KANSL1L: variants seen among roughly 807,000 people sequenced by gnomAD.
KANSL1L encodes KAT8 regulatory NSL complex subunit 1-like protein.
KANSL1L carries 25 observed loss-of-function variants against 108.6 expected under a neutral mutation model. The ratio of observed to expected loss-of-function variants is 0.23; its 90% CI spans 0.17 to 0.32. The LOEUF (loss-of-function observed/expected upper bound fraction) is 0.32. KANSL1L is among the 10% of genes least tolerant of loss of function. KANSL1L has a pLI of 1.00. For synonymous variants in KANSL1L, 405 were observed against 395.1 expected, an observed-to-expected ratio of 1.03 and a Z score of -0.30; for missense variants, 1,137 against 1,125.7, an observed-to-expected ratio of 1.01 and a Z score of -0.14.
chr2:210,162,045 T>G (rs1435091673), intron 1 of KANSL1L, among the ~76,000 whole-genome samples: 1 of 149,218 alleles, frequency 6.7e-6, no homozygotes, highest in East Asian at 2.0e-4. Flanking sequence ...CGTAATATGG[T>G]GAGACCCTGT....
At position 210,022,258 on chromosome 2, in the gene KANSL1L, G is replaced by A. The variant is rs1181712406; in HGVS notation, c.*691C>T. The A allele has an allele frequency of 6.6e-6, 1 of 151,908 alleles. No individual in the cohort carries two copies. Among genetic ancestry groups the A allele is most frequent in the African/African-American group, 2.4e-5 (1 of 41,336 alleles). The allele number at this position is 151,908 out of a possible 1,614,324, so 9.4% of individuals were successfully genotyped here. A position where few individuals can be genotyped will look rare whatever the true frequency, so the allele number is the denominator to read the frequency against. On this transcript the variant is annotated 3_prime_UTR_variant, in exon 15 of 15. Coordinates refer to ENST00000281772, the MANE Select transcript of KANSL1L (RefSeq NM_152519.4). Reference sequence around the variant, plus strand: ...TGAATAAAGGAGTTTTGTGTTGCCTGGATATATGAATTTCTGTAAATAACT... The same window carrying A: ...TGAATAAAGGAGTTTTGTGTTGCCTAGATATATGAATTTCTGTAAATAACT...
At chr2:210,086,472 C>T (rs189440612) in intron 5 of KANSL1L, among the ~76,000 whole-genome samples, 55 of 147,956 alleles carry the variant, frequency 3.7e-4, no homozygotes, top group Admixed American at 2.9e-3. Context: ...TGAGACCATA[C>T]TGCCAAGATT....
chr2:210,052,752 C>T (rs2094307194), intron 6 of KANSL1L, among the ~76,000 whole-genome samples: 1 of 152,154 alleles, frequency 6.6e-6, no homozygotes, highest in Admixed American at 6.5e-5. Flanking sequence ...CACAGTATCT[C>T]CAATGCCTAG....
intron 1 of KANSL1L, among the ~76,000 whole-genome samples, chr2:210,165,932 T>C (rs1352256654): frequency 1.3e-5 from 2 of 152,298 alleles, no homozygotes; most frequent in African/African-American, 2.4e-5. Flanking sequence ...CTTTTATGTA[T>C]AGTTATAACT....
At chr2:210,158,991 G>A (rs1201695991) in intron 1 of KANSL1L, among the ~76,000 whole-genome samples, 4 of 152,084 alleles carry the variant, frequency 2.6e-5, no homozygotes. Context: ...TTAAAGGCTT[G>A]GATTTTTGAA....
chr2:210,142,432 C>CA (rs892359548), intron 2 of KANSL1L, among the ~76,000 whole-genome samples: 3 of 151,558 alleles, frequency 2.0e-5, no homozygotes, highest in African/African-American at 7.3e-5. Flanking sequence ...CTTATCTTTT[C>CA]AAAAAAACCA....
At chr2:210,162,131 A>T (rs2095364643) in intron 1 of KANSL1L, among the ~76,000 whole-genome samples, 1 of 147,278 alleles carries the variant, frequency 6.8e-6, no homozygotes, top group Non-Finnish European at 1.5e-5. Context: ...AATTGGACGT[A>T]TCCAGCTGAT....
chr2:210,135,389 C>T (rs998860758), intron 2 of KANSL1L, among the ~76,000 whole-genome samples: 3 of 152,134 alleles, frequency 2.0e-5, no homozygotes, highest in African/African-American at 7.2e-5. Context: ...AATATCCATC[C>T]TCCTATACTT....
chr2:210,058,697 C>T lies in KANSL1L; in HGVS notation c.1756-14593G>A, dbSNP rs1051219227. On this transcript the variant is annotated intron_variant, in intron 6 of 14. Transcript: ENST00000281772. ...AAATATTTTTAAAAAATTAGCCGGG[C>T]GTGGTGGCGGGCGCCTGTAGTCCCA... is the stretch of plus-strand genomic sequence containing the variant. 2.1e-4 allele frequency among the ~76,000 whole-genome samples: 32 copies of T among 152,056 alleles called. 1 individual carries two copies. The highest frequency in any genetic ancestry group is 7.0e-4 in the African/African-American group (29 of 41,472).
At chr2:210,159,876 A>G (rs550135479) in intron 1 of KANSL1L, among the ~76,000 whole-genome samples, 1 of 152,290 alleles carries the variant, frequency 6.6e-6, no homozygotes, top group South Asian at 2.1e-4. Flanking sequence ...TCTACTAAAA[A>G]TACAAAAAAA....
intron 2 of KANSL1L, among the ~76,000 whole-genome samples, chr2:210,148,156 C>CATTTTCCCCACACA (rs1362640592): frequency 1.3e-5 from 2 of 152,046 alleles, no homozygotes; most frequent in South Asian, 2.1e-4. Context: ...TTTTCCCCAA[C>CATTTTCCCCACACA]ATTTGAAACA....
At chr2:210,046,348 C>T (rs1437055511) in intron 6 of KANSL1L, among the ~76,000 whole-genome samples, 1 of 152,032 alleles carries the variant, frequency 6.6e-6, no homozygotes, top group African/African-American at 2.4e-5. Context: ...CTAAAAAATT[C>T]CAAAGTCCAA....
chr2:210,151,110 G>A (rs1382870283), intron 2 of KANSL1L, among the ~76,000 whole-genome samples: 1 of 152,020 alleles, frequency 6.6e-6, no homozygotes, highest in Non-Finnish European at 1.5e-5. Flanking sequence ...CCACCTCCTG[G>A]GTTCAAGCAA....
chr2:210,099,616 A>G (rs953342848), intron 4 of KANSL1L, among the ~76,000 whole-genome samples: 12 of 152,206 alleles, frequency 7.9e-5, no homozygotes, highest in Admixed American at 6.5e-4. Flanking sequence ...AGTCATGCAA[A>G]TAAATTCTGA....
chr2:210,098,052 A>T, intron 5 of KANSL1L, 34 bp downstream of exon 5: 1 of 1,538,602 alleles, frequency 6.5e-7, no homozygotes, highest in Non-Finnish European at 8.7e-7. Flanking sequence ...GGCAAAGTTG[A>T]ATTTAAAAGC....
At chr2:210,042,462 T>C (rs945984506) in intron 7 of KANSL1L, among the ~76,000 whole-genome samples, 1 of 152,190 alleles carries the variant, frequency 6.6e-6, no homozygotes, top group Non-Finnish European at 1.5e-5. Flanking sequence ...CAGAGAAATA[T>C]ATTTGCTAAT....
chr2:210,025,067 G>T, intron 13 of KANSL1L, 37 bp downstream of exon 13: 2 of 1,296,104 alleles, frequency 1.5e-6, no homozygotes, highest in South Asian at 1.2e-5. Context: ...CATTTCACAT[G>T]GATTCTATGG....
At chr2:210,166,669 T>A (rs572514172) in intron 1 of KANSL1L, among the ~76,000 whole-genome samples, 1 of 152,208 alleles carries the variant, frequency 6.6e-6, no homozygotes, top group African/African-American at 2.4e-5. Flanking sequence ...GGAATCTGGA[T>A]AATCCCAGCT....
intron 1 of KANSL1L, among the ~76,000 whole-genome samples, chr2:210,165,108 G>GC (rs996504334): frequency 6.6e-6 from 1 of 150,526 alleles, no homozygotes; most frequent in African/African-American, 2.4e-5. Context: ...CTCGTGATCT[G>GC]CCCACCAAAG....
Sources: gnomAD v4.1 joint callset for allele counts (sites outside exome capture counted in the v4.1 genomes callset) on GRCh38, gnomAD v4.1.1 for gene constraint, MANE v1.5 for transcripts, NCBI Gene and HGNC (gene_info 2026-07-23, HGNC 2026-07-21) for gene names.